DLG1: variants seen among roughly 807,000 people sequenced by gnomAD.
DLG1 encodes the protein discs large MAGUK scaffold protein 1, also known as disks large homolog 1.
A neutral mutation model predicts 123.4 loss-of-function variants in DLG1; 42 were observed. That is an observed-to-expected ratio of 0.34 (90% CI 0.27 to 0.44). DLG1 has a LOEUF of 0.44. Ranked by LOEUF, DLG1 falls within the 20% of genes least tolerant of loss-of-function variation. The pLI, the probability that DLG1 is intolerant of heterozygous loss-of-function variation, is 1.00. For missense variants in DLG1, 942 were observed against 1,082.6 expected, an observed-to-expected ratio of 0.87 and a Z score of 1.82; for synonymous variants, 317 against 356.2, an observed-to-expected ratio of 0.89 and a Z score of 1.24.
At chr3:197,183,743 G>A (rs1391361144) in intron 5 of DLG1, 1 of 1,550,498 alleles carries the variant, frequency 6.4e-7, no homozygotes, top group African/African-American at 1.4e-5. Flanking sequence ...CATGGCTAGA[G>A]CTAGTATTGC....
chr3:197,100,514 T>C (rs1304778641), intron 14 of DLG1, among the ~76,000 whole-genome samples: 1 of 152,192 alleles, frequency 6.6e-6, no homozygotes, highest in Non-Finnish European at 1.5e-5. Flanking sequence ...TTCCAATTTA[T>C]TTCTTTTATG....
intron 4 of DLG1, among the ~76,000 whole-genome samples, chr3:197,273,085 C>T (rs1764603719): frequency 6.6e-6 from 1 of 151,518 alleles, no homozygotes. Context: ...CAACCTATTC[C>T]TTTATTATTT....
intron 4 of DLG1, among the ~76,000 whole-genome samples, chr3:197,248,332 G>A (rs917566872): frequency 5.9e-5 from 9 of 152,160 alleles, no homozygotes; most frequent in South Asian, 2.1e-4. Flanking sequence ...TTTTCTTCCC[G>A]GGTTTATTCG....
At chr3:197,174,694 T>C (rs1017704166) in intron 5 of DLG1, among the ~76,000 whole-genome samples, 9 of 152,214 alleles carry the variant, frequency 5.9e-5, no homozygotes, top group Non-Finnish European at 1.2e-4. Flanking sequence ...ATACATCAGA[T>C]CATCCTACCA....
chr3:197,069,241 G>T lies in DLG1; in HGVS notation c.2025C>A (p.Ala675=). ...TACGGTAACTACTTTCACTATCGCT[G>T]GCATTAGAAGTTACATGCTCTGAAA... ...SDADQHVTSN[A]SDSESSYRGQ... is the part of the protein sequence containing the mutation. The change falls in exon 19 of 25, where the codon GCC becomes GCA. Residue 675 remains alanine (A), a synonymous_variant. Transcript: ENST00000667157. The T allele has an allele frequency of 6.3e-7, 1 of 1,587,428 alleles. No homozygotes were observed. Among genetic ancestry groups the T allele is most frequent in the Non-Finnish European group, 8.6e-7 (1 of 1,166,516 alleles).
At chr3:197,150,418 G>A (rs1793285929) in intron 5 of DLG1, among the ~76,000 whole-genome samples, 1 of 151,892 alleles carries the variant, frequency 6.6e-6, no homozygotes, top group African/African-American at 2.4e-5. Flanking sequence ...GTTAAGTTTG[G>A]ATTGAAAAAA....
chr3:197,265,305 C>A (rs554985536), intron 4 of DLG1, among the ~76,000 whole-genome samples: 2 of 152,090 alleles, frequency 1.3e-5, no homozygotes, highest in African/African-American at 4.8e-5. Context: ...CATAAACAAG[C>A]AATTGCTGCC....
intron 4 of DLG1, among the ~76,000 whole-genome samples, chr3:197,203,588 G>A (rs528308920): frequency 6.6e-6 from 1 of 151,968 alleles, no homozygotes. Flanking sequence ...TTCCAAATTT[G>A]AGACAGGTTA....
At chr3:197,224,491 C>T (rs575731160) in intron 4 of DLG1, among the ~76,000 whole-genome samples, 1 of 152,258 alleles carries the variant, frequency 6.6e-6, no homozygotes, top group South Asian at 2.1e-4. Context: ...ACAGGCTTAA[C>T]ACCTAGGGGA....
chr3:197,187,075 C>T (rs181128352), intron 5 of DLG1, among the ~76,000 whole-genome samples: 1 of 152,270 alleles, frequency 6.6e-6, no homozygotes, highest in Non-Finnish European at 1.5e-5. Context: ...TGAGATAAGA[C>T]AAGACTGAGA....
At chr3:197,188,193 T>C (rs890059625) in intron 5 of DLG1, among the ~76,000 whole-genome samples, 1 of 152,186 alleles carries the variant, frequency 6.6e-6, no homozygotes, top group Non-Finnish European at 1.5e-5. Context: ...ACATAAACCT[T>C]CCTGCATTTC....
chr3:197,081,750 CT>C (rs1226021192), intron 16 of DLG1, among the ~76,000 whole-genome samples: 4 of 152,038 alleles, frequency 2.6e-5, no homozygotes, highest in African/African-American at 9.7e-5. Flanking sequence ...ATCTTTACCC[CT>C]ATGGAGGTGA....
intron 16 of DLG1, among the ~76,000 whole-genome samples, chr3:197,082,337 T>C (rs974553328): frequency 6.6e-6 from 1 of 151,962 alleles, no homozygotes; most frequent in African/African-American, 2.4e-5. Context: ...GCCACTGCAC[T>C]CTATCCTGGG....
At chr3:197,191,327 CTGG>C (rs1719407388) in intron 5 of DLG1, among the ~76,000 whole-genome samples, 1 of 152,162 alleles carries the variant, frequency 6.6e-6, no homozygotes, top group South Asian at 2.1e-4. Flanking sequence ...AATCTTGTGT[CTGG>C]AACATTGTTT....
At chr3:197,189,563 G>A (rs1718120282) in intron 5 of DLG1, among the ~76,000 whole-genome samples, 1 of 152,122 alleles carries the variant, frequency 6.6e-6, no homozygotes, top group African/African-American at 2.4e-5. Context: ...ACTAGTGAGG[G>A]AAAGGGGACT....
intron 14 of DLG1, among the ~76,000 whole-genome samples, chr3:197,092,701 C>T (rs181606624): frequency 6.0e-4 from 91 of 152,230 alleles, no homozygotes; most frequent in Non-Finnish European, 8.2e-4. Flanking sequence ...TGGCATCTTG[C>T]TGTGTTGCCC....
chr3:197,142,656 G>T, intron 7 of DLG1, 62 bp downstream of exon 7: 1 of 1,236,936 alleles, frequency 8.1e-7, no homozygotes, highest in Non-Finnish European at 1.1e-6. Context: ...CTTGGATTCT[G>T]TATGAAAAAG....
intron 11 of DLG1, among the ~76,000 whole-genome samples, chr3:197,128,267 A>C (rs1780799242): frequency 6.6e-6 from 1 of 152,246 alleles, no homozygotes; most frequent in South Asian, 2.1e-4. Flanking sequence ...TAATGTTCAC[A>C]TCATCTTCAC....
At chr3:197,198,118 C>T (rs1305820814) in intron 4 of DLG1, among the ~76,000 whole-genome samples, 1 of 142,226 alleles carries the variant, frequency 7.0e-6, no homozygotes, top group Non-Finnish European at 1.5e-5. Flanking sequence ...ATAAATTGGA[C>T]TCATCAAAAC....
Sources: allele counts gnomAD v4.1 joint callset (sites outside exome capture counted in the v4.1 genomes callset), GRCh38; gene constraint gnomAD v4.1.1; transcripts MANE v1.5; gene names NCBI Gene and HGNC (gene_info 2026-07-23, HGNC 2026-07-21).